The following SHISA9 variants were observed in gnomAD, a reference collection of about 807,000 sequenced individuals.
SHISA9 encodes the protein shisa family member 9.
In SHISA9, 13 loss-of-function variants were observed where a neutral mutation model predicts 38.0. The ratio of observed to expected loss-of-function variants is 0.34; its 90% CI spans 0.22 to 0.54. SHISA9 has a LOEUF of 0.54. Ranked by LOEUF, SHISA9 falls within the 20% of genes least tolerant of loss-of-function variation. SHISA9 has a pLI of 0.91. For missense variants in SHISA9, 538 were observed against 575.8 expected, an observed-to-expected ratio of 0.93 and a Z score of 0.67; for synonymous variants, 275 against 242.0, an observed-to-expected ratio of 1.14 and a Z score of -1.27.
rs755189686 is a variant in SHISA9, at chr16:13,110,304, C to T, written c.692-93090C>T. Among the ~76,000 whole-genome samples the T allele has an allele frequency of 3.0e-4, 46 of 152,302 alleles. 1 individual carries two copies. The highest frequency in any genetic ancestry group is 5.7e-4 in the Non-Finnish European group (39 of 68,022). On this transcript the variant is annotated intron_variant, in intron 2 of 4. Coordinates refer to ENST00000558583, the MANE Select transcript of SHISA9 (RefSeq NM_001145204.3). ...ACAGCCAACCCCAAGGAAGGGGGAA[C>T]ACAAAGACGTCTGTGGCTGTCTGAA...
the SHISA9 span, among the ~76,000 whole-genome samples, chr16:13,359,648 C>G: frequency 6.6e-6 from 1 of 152,148 alleles, no homozygotes; most frequent in Non-Finnish European, 1.5e-5. Context: ...GACTCAGGTT[C>G]TCATATGTCA....
At chr16:13,185,275 C>G (rs2050810561) in intron 2 of SHISA9, among the ~76,000 whole-genome samples, 1 of 152,176 alleles carries the variant, frequency 6.6e-6, no homozygotes, top group South Asian at 2.1e-4. Flanking sequence ...AATCATAGTT[C>G]ATTGTAGCAT....
At chr16:13,151,778 A>G (rs781088979) in intron 2 of SHISA9, among the ~76,000 whole-genome samples, 6 of 152,172 alleles carry the variant, frequency 3.9e-5, no homozygotes, top group Non-Finnish European at 7.3e-5. Flanking sequence ...AATAGCTTTT[A>G]TTACTAGTCT....
intron 2 of SHISA9, among the ~76,000 whole-genome samples, chr16:13,093,100 A>G (rs2073792103): frequency 6.6e-6 from 1 of 152,198 alleles, no homozygotes; most frequent in South Asian, 2.1e-4. Context: ...TCCCGGGGGC[A>G]TAGAGTCCTG....
At chr16:13,402,449 C>T in the SHISA9 span, among the ~76,000 whole-genome samples, 1 of 151,580 alleles carries the variant, frequency 6.6e-6, no homozygotes, top group Admixed American at 6.6e-5. Context: ...CCTTCCTCCG[C>T]TTTTTTGTTC....
intron 2 of SHISA9, among the ~76,000 whole-genome samples, chr16:12,938,982 C>T (rs1015089843): frequency 6.6e-6 from 1 of 152,114 alleles, no homozygotes; most frequent in Admixed American, 6.5e-5. Flanking sequence ...GGTGGATATT[C>T]ATTGAGTTAG....
At chr16:13,067,196 C>T (rs1162948767) in intron 2 of SHISA9, among the ~76,000 whole-genome samples, 1 of 152,172 alleles carries the variant, frequency 6.6e-6, no homozygotes, top group Non-Finnish European at 1.5e-5. Context: ...TTGCCCAGTA[C>T]TGGGTGTGGG....
intron 2 of SHISA9, among the ~76,000 whole-genome samples, chr16:13,089,911 T>A (rs1306890660): frequency 6.6e-6 from 1 of 152,236 alleles, no homozygotes; most frequent in East Asian, 1.9e-4. Context: ...CAATTTTAGG[T>A]CTTTCCTGCT....
At chr16:13,167,065 C>CTTT (rs1029913159) in intron 2 of SHISA9, among the ~76,000 whole-genome samples, 4 of 142,632 alleles carry the variant, frequency 2.8e-5, no homozygotes, top group Non-Finnish European at 6.0e-5. Flanking sequence ...CTCTCTCTCT[C>CTTT]TTTTTTCTTT....
intron 3 of SHISA9, among the ~76,000 whole-genome samples, chr16:13,210,413 C>T (rs1468524343): frequency 2.0e-5 from 3 of 151,912 alleles, no homozygotes; most frequent in South Asian, 2.1e-4. Flanking sequence ...TAAAATGCTG[C>T]GTCACTTCAT....
In SHISA9 at chr16:13,208,551, C is replaced by G. The variant is rs186549406; in HGVS notation, c.848-4702C>G. On this transcript the variant is annotated intron_variant, in intron 3 of 4. Coordinates refer to ENST00000558583, the MANE Select transcript of SHISA9 (RefSeq NM_001145204.3). ...CCGCCTCCTGGGTTCAAGCGATTCT[C>G]CTATTGAGAGAATTGGACATGCACC... Among the ~76,000 whole-genome samples, 194 of 150,452 alleles carry G rather than the reference C, an allele frequency of 1.3e-3. 1 individual carries two copies. Among genetic ancestry groups the G allele is most frequent in the African/African-American group, 4.6e-3 (188 of 40,796 alleles).
At chr16:13,300,935 T>A in the SHISA9 span, among the ~76,000 whole-genome samples, 2 of 151,420 alleles carry the variant, frequency 1.3e-5, no homozygotes, top group African/African-American at 4.9e-5. Context: ...TCTTCTTTCT[T>A]TCTCTTACTC....
chr16:13,074,071 G>C (rs2073552180), intron 2 of SHISA9, among the ~76,000 whole-genome samples: 1 of 149,496 alleles, frequency 6.7e-6, no homozygotes, highest in African/African-American at 2.5e-5. Flanking sequence ...CCAGGTTCAA[G>C]TGATTCTCCT....
chr16:13,073,339 G>A (rs2073541376), intron 2 of SHISA9, among the ~76,000 whole-genome samples: 1 of 151,478 alleles, frequency 6.6e-6, no homozygotes, highest in Non-Finnish European at 1.5e-5. Context: ...TGGGAGCAAA[G>A]AGTCTTTGCC....
At chr16:13,556,077 A>G in the SHISA9 span, among the ~76,000 whole-genome samples, 10 of 152,336 alleles carry the variant, frequency 6.6e-5, no homozygotes, top group South Asian at 2.1e-4. Flanking sequence ...GCCTAACCAG[A>G]CAAAGCCACT....
At position 12,916,757 on chromosome 16, in the gene SHISA9, C is replaced by G. The variant is rs376899363; in HGVS notation, c.633C>G (p.Ile211Met). The G allele has an allele frequency of 1.9e-6, 3 of 1,551,940 alleles. No homozygotes were observed. In the Admixed American group the frequency reaches 5.9e-5, roughly 30 times the overall value. Residue 211 changes from isoleucine to methionine, a missense_variant, in exon 2 of 5, where the codon ATC becomes ATG. Ile to Met is a conservative substitution (Grantham distance 10). Coordinates refer to ENST00000558583, the MANE Select transcript of SHISA9 (RefSeq NM_001145204.3). Reference protein sequence around the residue: ...NTDHMERDLNIVVHVQHYENM... With the variant: ...NTDHMERDLNMVVHVQHYENM... ...ATCACATGGAGAGAGACCTAAACAT[C>G]GTTGTCCACGTCCAGCATTATGAGA...
intron 1 of SHISA9, chr16:12,910,879 A>C (rs779997873): frequency 4.7e-5 from 16 of 338,210 alleles, no homozygotes; most frequent in Non-Finnish European, 5.9e-5. Context: ...GGCAAAGGTC[A>C]GTGTTTTGTT....
chr16:13,436,260 C>T, the SHISA9 span, among the ~76,000 whole-genome samples: 6 of 152,204 alleles, frequency 3.9e-5, no homozygotes, highest in Admixed American at 2.0e-4. Flanking sequence ...AAGAAACCAG[C>T]CAAAACCTAC....
chr16:13,042,581 C>G (rs2073144873), intron 2 of SHISA9, among the ~76,000 whole-genome samples: 1 of 152,142 alleles, frequency 6.6e-6, no homozygotes, highest in East Asian at 1.9e-4. Context: ...TAGAAGTGAT[C>G]TCAAGAGTGC....
Sources: allele counts gnomAD v4.1 joint callset (sites outside exome capture counted in the v4.1 genomes callset), GRCh38; gene constraint gnomAD v4.1.1; transcripts MANE v1.5; gene names NCBI Gene and HGNC (gene_info 2026-07-23, HGNC 2026-07-21).